The following VAV2 variants were observed in gnomAD, a reference collection of about 807,000 sequenced individuals.
VAV2 encodes guanine nucleotide exchange factor VAV2.
VAV2 carries 67 observed loss-of-function variants against 132.5 expected under a neutral mutation model. The ratio of observed to expected loss-of-function variants is 0.51; its 90% confidence interval spans 0.42 to 0.62. The LOEUF is 0.62. VAV2 is among the 20% of genes least tolerant of loss of function. VAV2 has a pLI of 0.00. For missense variants in VAV2, 938 were observed against 1,153.6 expected (o/e 0.81, Z 2.71); for synonymous variants, 492 against 443.5 (o/e 1.11, Z -1.37).
At chr9:133,881,214 T>A (rs1838481975) in intron 2 of VAV2, among the ~76,000 whole-genome samples, 1 of 152,236 alleles carries the variant, frequency 6.6e-6, no homozygotes, top group African/African-American at 2.4e-5. Context: ...AAAAGCTGCC[T>A]TGGAGCCATG....
chr9:133,878,870 C>A (rs1221140593), intron 2 of VAV2, among the ~76,000 whole-genome samples: 2 of 152,230 alleles, frequency 1.3e-5, no homozygotes, highest in African/African-American at 2.4e-5. Flanking sequence ...TCGGCCCGGG[C>A]AGCCTGGCCT....
At chr9:133,954,768 GTGTGCACATGTA>G (rs1171973279) in intron 1 of VAV2, among the ~76,000 whole-genome samples, 12 of 135,916 alleles carry the variant, frequency 8.8e-5, no homozygotes, top group Non-Finnish European at 4.7e-5. Context: ...GTGTTCATGT[GTGTGCACATGTA>G]TGTGTGCATG....
chr9:133,929,716 G>A (rs1317633655), intron 2 of VAV2, among the ~76,000 whole-genome samples: 3 of 152,114 alleles, frequency 2.0e-5, no homozygotes, highest in Admixed American at 1.3e-4. Flanking sequence ...ATCTGCAGCA[G>A]GTGCACAGCC....
chr9:133,832,568 TTTTA>T lies in VAV2; in HGVS notation c.449+1700_449+1703del, dbSNP rs200289700. On this transcript the variant is annotated intron_variant, in intron 4 of 29. Coordinates refer to ENST00000371850, the MANE Select transcript of VAV2 (RefSeq NM_001134398.2). ...CTGTTTTTGGAATTTTCTTTTTTTTTTTTACCCCAGACGGAGTTTCACTCTTGTC... is the reference window on the plus strand; with the variant it reads ...CTGTTTTTGGAATTTTCTTTTTTTTTCCCCAGACGGAGTTTCACTCTTGTC... 8.1e-3 allele frequency among the ~76,000 whole-genome samples: 1,228 copies of T among 152,092 alleles called. 17 individuals are homozygous for T. Among genetic ancestry groups the T allele is most frequent in the African/African-American group, 0.028 (1,160 of 41,454 alleles).
At chr9:133,789,088 C>T (rs529461546) in intron 14 of VAV2, among the ~76,000 whole-genome samples, 170 bp downstream of exon 14, 10 of 152,336 alleles carry the variant, frequency 6.6e-5, no homozygotes, top group South Asian at 6.2e-4. Context: ...GGCGCCCGCT[C>T]GCTGACGAGA....
intron 1 of VAV2, among the ~76,000 whole-genome samples, chr9:133,971,784 G>T (rs191519753): frequency 2.6e-4 from 40 of 152,144 alleles, no homozygotes; most frequent in African/African-American, 9.4e-4. Flanking sequence ...TGCACCACCC[G>T]GGTCCTGAAT....
intron 1 of VAV2, among the ~76,000 whole-genome samples, chr9:133,947,126 G>A (rs946542966): frequency 5.3e-5 from 8 of 152,184 alleles, no homozygotes; most frequent in Admixed American, 3.9e-4. Context: ...CTTCCAAGAC[G>A]TCAGGGGCCC....
In VAV2 at chr9:133,833,891, C is replaced by T. The variant is rs1216466436; in HGVS notation, c.449+381G>A. ...GCAGCACCGCTCCCTCCTCACAACA[C>T]GGCATCCCAGGACCCGGCTTGGGGA... On this transcript the variant is annotated intron_variant, in intron 4 of 29. Transcript: ENST00000371850. The surrounding 1 kb of genome is among the most constrained non-coding windows in gnomAD (Gnocchi z 5.6). 1.3e-5 allele frequency among the ~76,000 whole-genome samples: 2 copies of T among 152,214 alleles called. No homozygotes were observed. The highest frequency in any genetic ancestry group is 2.4e-5 in the African/African-American group (1 of 41,460).
chr9:133,876,929 G>A (rs537062306), intron 2 of VAV2, among the ~76,000 whole-genome samples: 3 of 152,258 alleles, frequency 2.0e-5, no homozygotes, highest in Non-Finnish European at 4.4e-5. Context: ...CCGGGGTCTG[G>A]ACGCACAGTG....
chr9:133,776,074 T>A lies in VAV2; in HGVS notation c.1972A>T (p.Ile658Phe). 2 of 1,612,980 alleles carry A rather than the reference T, an allele frequency of 1.2e-6. No homozygotes were observed. The highest frequency in any genetic ancestry group is 1.7e-6 in the Non-Finnish European group (2 of 1,179,754). ...ATCTCCCGGGATGGCGGCCGGCTGA[T>A]GGGCGGCTGGTGGCAGAGCACAAGA... ...KPCPVDGRPP[I>F]SRPPSREIDY... Residue 658 changes from isoleucine (I) to phenylalanine (F), a missense_variant, in exon 24 of 30, where the codon ATC (isoleucine) becomes TTC (phenylalanine). Coordinates refer to ENST00000371850, the MANE Select transcript of VAV2 (RefSeq NM_001134398.2).
At chr9:133,861,550 G>C (rs1837597568) in intron 2 of VAV2, 118 bp from the exon 3 acceptor site, 1 of 1,114,442 alleles carries the variant, frequency 9.0e-7, no homozygotes, top group Non-Finnish European at 1.3e-6. Flanking sequence ...CATCGCATCT[G>C]GGTAAGAAAC....
chr9:133,801,731 G>C (rs1366502673), intron 9 of VAV2, among the ~76,000 whole-genome samples: 2 of 152,196 alleles, frequency 1.3e-5, no homozygotes, highest in Non-Finnish European at 1.5e-5. Context: ...AAGGAAGGTG[G>C]CCCTGACTCC....
In VAV2 at chr9:133,834,258, TC is replaced by T; in HGVS notation, c.449+13del. On this transcript the variant is annotated intron_variant, in intron 4 of 29. Transcript: ENST00000371850. This position sits in a 1 kb window ranked among gnomAD's most constrained non-coding sequence, Gnocchi z 5.9. ...TCCCTCCTCTCCATCCCTCCTCCCA[TC>T]CCCCCGCCTTACTCGGCCAGCTCCT... 2.1e-6 allele frequency: 3 copies of T among 1,426,140 alleles called. No homozygotes were observed. The highest frequency in any genetic ancestry group is 1.9e-6 in the Non-Finnish European group (2 of 1,034,724). The allele number at this position is 1,426,140 out of a possible 1,614,324, so 88.3% of individuals were successfully genotyped here.
intron 13 of VAV2, among the ~76,000 whole-genome samples, chr9:133,791,511 A>G (rs1834459686): frequency 6.6e-6 from 1 of 152,080 alleles, no homozygotes; most frequent in Non-Finnish European, 1.5e-5. Context: ...CAATGAATAC[A>G]GTCCCTCCCC....
chr9:133,809,747 G>A (rs562943692), intron 6 of VAV2, among the ~76,000 whole-genome samples: 44 of 152,348 alleles, frequency 2.9e-4, no homozygotes, highest in African/African-American at 9.6e-4. Flanking sequence ...ATGTGGCCGG[G>A]ACAGGATTAG....
Position 133,783,595 on chromosome 9 carries a change from C to A in VAV2, c.1635-4G>T, listed in dbSNP as rs1225688338. On this transcript the variant is annotated splice_region_variant and splice_polypyrimidine_tract_variant and intron_variant, in intron 18 of 29. Coordinates refer to ENST00000371850, the MANE Select transcript of VAV2 (RefSeq NM_001134398.2). Reference sequence around the variant, plus strand: ...GTATCCCTGGTAGAAGGTGCCCCTGCACAGGGGAGGGCAGGAGGTGAGGTC... The same window carrying A: ...GTATCCCTGGTAGAAGGTGCCCCTGAACAGGGGAGGGCAGGAGGTGAGGTC... 6 of 1,613,790 alleles carry A rather than the reference C, an allele frequency of 3.7e-6. No homozygotes were observed. The highest frequency in any genetic ancestry group is 5.1e-6 in the Non-Finnish European group (6 of 1,179,932).
chr9:133,908,686 T>C (rs1332630316), intron 2 of VAV2, among the ~76,000 whole-genome samples: 1 of 152,222 alleles, frequency 6.6e-6, no homozygotes, highest in Non-Finnish European at 1.5e-5. Flanking sequence ...CTGTAGTGGG[T>C]CTGCGCCTCC....
intron 3 of VAV2, among the ~76,000 whole-genome samples, chr9:133,858,703 T>C (rs979655235): frequency 3.9e-5 from 6 of 152,150 alleles, no homozygotes; most frequent in African/African-American, 7.2e-5. Flanking sequence ...CCAGTGTTTA[T>C]CCTCATCTTG....
intron 2 of VAV2, among the ~76,000 whole-genome samples, chr9:133,921,407 A>G (rs1485974787): frequency 6.6e-6 from 1 of 152,210 alleles, no homozygotes; most frequent in Non-Finnish European, 1.5e-5. Flanking sequence ...GGAGGCAGAG[A>G]TGGGAGGACT....
Sources: gnomAD v4.1 joint callset for allele counts (sites outside exome capture counted in the v4.1 genomes callset) on GRCh38, gnomAD v4.1.1 for gene constraint, Gnocchi (gnomAD v3.1) non-coding constraint, MANE v1.5 for transcripts, NCBI Gene and HGNC (gene_info 2026-07-23, HGNC 2026-07-21) for gene names.